Variants in AHRR observed in about 807,000 individuals in gnomAD.
AHRR encodes aryl hydrocarbon receptor repressor.
In AHRR, 28 loss-of-function variants were observed where a neutral mutation model predicts 44.0. That is an observed-to-expected ratio of 0.64 (90% CI 0.47 to 0.87). The LOEUF is 0.87. Among genes scored for constraint, AHRR ranks in the 40% least tolerant of loss-of-function variants. AHRR has a pLI of 0.00. For synonymous variants in AHRR, 434 were observed against 407.0 expected, an observed-to-expected ratio of 1.07 and a Z score of -0.80; for missense variants, 990 against 953.9, an observed-to-expected ratio of 1.04 and a Z score of -0.50.
chr5:399,608 G>A (rs1214335515), intron 4 of AHRR, among the ~76,000 whole-genome samples: 1 of 152,192 alleles, frequency 6.6e-6, no homozygotes, highest in Non-Finnish European at 1.5e-5. Flanking sequence ...TTCGCAGGAG[G>A]AAACCAAGGC....
At chr5:376,552 A>ACGCGGG in intron 3 of AHRR, 58 bp from the exon 4 acceptor site, 11 of 1,411,492 alleles carry the variant, frequency 7.8e-6, no homozygotes, top group South Asian at 5.6e-5. Flanking sequence ...ATGTGAATGA[A>ACGCGGG]GAAGAGTGGC....
intron 10 of AHRR, 48 bp downstream of exon 10, chr5:432,995 C>A (rs1291901609): frequency 6.5e-7 from 1 of 1,526,778 alleles, no homozygotes; most frequent in South Asian, 1.3e-5. Flanking sequence ...CTCCCTAAGT[C>A]ACCGTGGAGG....
At chr5:380,804 C>T (rs1441325496) in intron 4 of AHRR, among the ~76,000 whole-genome samples, 4 of 152,110 alleles carry the variant, frequency 2.6e-5, no homozygotes, top group Admixed American at 1.3e-4. Context: ...TGTGAGGAGC[C>T]TTATTAGAGG....
chr5:344,069 G>A (rs1193094711), intron 2 of AHRR, 105 bp downstream of exon 2: 1 of 1,263,776 alleles, frequency 7.9e-7, no homozygotes, highest in African/African-American at 1.6e-5. Context: ...GAGCGAGGAA[G>A]GCTTCGGGAG....
chr5:345,847 A>G (rs1742654455), intron 2 of AHRR, among the ~76,000 whole-genome samples: 1 of 152,040 alleles, frequency 6.6e-6, no homozygotes, highest in Non-Finnish European at 1.5e-5. Context: ...TTGGGAAGGA[A>G]GGATCCTGTT....
chr5:364,215 G>T (rs1743277158), intron 3 of AHRR, among the ~76,000 whole-genome samples: 1 of 152,164 alleles, frequency 6.6e-6, no homozygotes, highest in Admixed American at 6.5e-5. Flanking sequence ...AGAACCCAGA[G>T]ATAACTTTAT....
chr5:409,484 G>A (rs559011914), intron 4 of AHRR, among the ~76,000 whole-genome samples: 29 of 152,224 alleles, frequency 1.9e-4, no homozygotes, highest in African/African-American at 6.3e-4. Context: ...CAGTGCTGTC[G>A]GTCTTTCTGA....
chr5:341,360 T>C (rs1365490366), intron 1 of AHRR, among the ~76,000 whole-genome samples: 2 of 152,162 alleles, frequency 1.3e-5, no homozygotes, highest in African/African-American at 2.4e-5. Context: ...TCTGCAGTGA[T>C]GTCCTCTCTT....
At chr5:391,863 C>T (rs375340077) in intron 4 of AHRR, among the ~76,000 whole-genome samples, 2 of 38,402 alleles carry the variant, frequency 5.2e-5, no homozygotes, top group Non-Finnish European at 4.2e-5. Context: ...AGAGCGTGCA[C>T]GGGCGCAGGG....
chr5:383,732 A>G lies in AHRR; in HGVS notation c.351+7016A>G, dbSNP rs917846813. ...CATGTGCCACCATACCCAGCTAATTAAAATTCTTTTTTATAGAGATGGGGA... is the reference window on the plus strand; with the variant it reads ...CATGTGCCACCATACCCAGCTAATTGAAATTCTTTTTTATAGAGATGGGGA... On this transcript the variant is annotated intron_variant, in intron 4 of 10. Transcript: ENST00000684583. The surrounding 1 kb of genome is among the most constrained non-coding windows in gnomAD (Gnocchi z 4.0). Among the ~76,000 whole-genome samples, 4 of 151,966 alleles carry G rather than the reference A, an allele frequency of 2.6e-5. No homozygotes were observed. The highest frequency in any genetic ancestry group is 4.4e-5 in the Non-Finnish European group (3 of 67,986).
chr5:381,913 A>G (rs1734003045), intron 4 of AHRR, among the ~76,000 whole-genome samples: 1 of 152,122 alleles, frequency 6.6e-6, no homozygotes, highest in Admixed American at 6.6e-5. Context: ...TGGATGTTAA[A>G]TCTTGTAAAA....
rs575523105 is a variant in AHRR, at chr5:434,252, C to G, written c.1512C>G (p.Gly504=). 2.5e-6 allele frequency: 4 copies of G among 1,598,976 alleles called. No homozygotes were observed. The South Asian group carries it at 3.4e-5, about 14-fold the overall frequency. The stretch of plus-strand genomic sequence containing the variant: ...GAGCTCAGCGTTTTGCCACGAGGGG[C>G]TATCCCATGGAGGACATGAAGCTGC... ...QPGAQRFATR[G]YPMEDMKLQG... The change falls in exon 11 of 11, where the codon GGC becomes GGG. Residue 504 remains glycine, a synonymous_variant. Coordinates refer to ENST00000684583, the MANE Select transcript of AHRR (RefSeq NM_001377236.1).
chr5:381,488 T>G (rs925150626), intron 4 of AHRR, among the ~76,000 whole-genome samples: 6 of 149,094 alleles, frequency 4.0e-5, no homozygotes, highest in Admixed American at 2.0e-4. Context: ...CAACATTAAA[T>G]ATATTAGCTT....
At chr5:359,495 T>G (rs1013066023) in intron 3 of AHRR, among the ~76,000 whole-genome samples, 1 of 152,212 alleles carries the variant, frequency 6.6e-6, no homozygotes, top group Non-Finnish European at 1.5e-5. Flanking sequence ...GTGTGTGTTC[T>G]TGTTGCTGTG....
Position 353,753 on chromosome 5 carries a change from A to G in AHRR, c.86A>G (p.Lys29Arg). The change falls in exon 3 of 11, where the codon AAG becomes AGG. Residue 29 changes from lysine to arginine, a missense_variant. Coordinates refer to ENST00000684583, the MANE Select transcript of AHRR (RefSeq NM_001377236.1). The stretch of plus-strand genomic sequence containing the variant: ...AGGAGGCCCGCCGTGGGGGCAGAGA[A>G]GTCCAACCCCTCCAAGCGACACCGG... ...QKQRPAVGAE[K>R]SNPSKRHRDR... 6.2e-7 allele frequency: 1 copy of G among 1,612,076 alleles called. No individual in the cohort carries two copies. The highest frequency in any genetic ancestry group is 8.5e-7 in the Non-Finnish European group (1 of 1,179,644).
chr5:413,112 T>TTA (rs1735537737), intron 4 of AHRR, among the ~76,000 whole-genome samples: 1 of 152,146 alleles, frequency 6.6e-6, no homozygotes, highest in African/African-American at 2.4e-5. Context: ...GCACATAATT[T>TTA]TATATTTATT....
In AHRR at chr5:434,394, C is replaced by T. The variant is rs1208022082; in HGVS notation, c.1654C>T (p.Gln552Ter). 2.5e-6 allele frequency: 4 copies of T among 1,613,440 alleles called. No individual in the cohort carries two copies. Among genetic ancestry groups the T allele is most frequent in the Admixed American group, 1.7e-5 (1 of 59,996 alleles). Residue 552 changes from glutamine (Q) to a stop codon, truncating the protein, a stop_gained, in exon 11 of 11, where the codon CAG (glutamine) becomes TAG (stop). Coordinates refer to ENST00000684583, the MANE Select transcript of AHRR (RefSeq NM_001377236.1). LOFTEE classifies it low-confidence loss of function (END_TRUNC). ...EGAADGCVPS[Q>*]VWLGASDRSH... is the part of the protein sequence containing the mutation. ...TGCTGCAGACGGCTGTGTGCCCAGCCAGGTGTGGCTGGGGGCCAGTGACAG... is the reference window on the plus strand; with the variant it reads ...TGCTGCAGACGGCTGTGTGCCCAGCTAGGTGTGGCTGGGGGCCAGTGACAG...
intron 6 of AHRR, 40 bp downstream of exon 6, chr5:422,898 G>A (rs1270626820): frequency 1.3e-6 from 2 of 1,588,000 alleles, no homozygotes; most frequent in Admixed American, 3.5e-5. Context: ...AAAACCTAAA[G>A]CAGGTCCCAT....
rs1735637921 is a variant in AHRR, at chr5:414,662, G to T, written c.441+1229G>T. On this transcript the variant is annotated intron_variant, in intron 5 of 10. Coordinates refer to ENST00000684583, the MANE Select transcript of AHRR (RefSeq NM_001377236.1). ...GAGCAAAGCCGTCCAAAGGAAACTGGCAAACAAATAGATTTAAAACAATAA... is the reference window on the plus strand; with the variant it reads ...GAGCAAAGCCGTCCAAAGGAAACTGTCAAACAAATAGATTTAAAACAATAA... Among the ~76,000 whole-genome samples the T allele has an allele frequency of 2.6e-5, 4 of 152,102 alleles. No individual in the cohort carries two copies. The South Asian group carries it at 8.3e-4, about 31-fold the overall frequency.
Sources: allele counts gnomAD v4.1 joint callset (sites outside exome capture counted in the v4.1 genomes callset), GRCh38; gene constraint gnomAD v4.1.1; non-coding constraint Gnocchi (gnomAD v3.1); transcripts MANE v1.5; gene names NCBI Gene and HGNC (gene_info 2026-07-23, HGNC 2026-07-21).